The following CAST variants were observed in gnomAD, a reference collection of about 807,000 sequenced individuals.
The protein encoded by CAST is MIR583 host.
Under a neutral mutation model 119.6 loss-of-function variants are expected in CAST, and 76 were observed. The ratio of observed to expected loss-of-function variants is 0.64; its 90% CI spans 0.53 to 0.77. CAST has a LOEUF of 0.77. Among genes scored for constraint, CAST ranks in the 30% least tolerant of loss-of-function variants. The pLI, the probability that CAST is intolerant of heterozygous loss-of-function variation, is 0.00. For missense variants in CAST, 953 were observed against 946.5 expected (o/e 1.01, Z -0.09); for synonymous variants, 319 against 331.6 (o/e 0.96, Z 0.41).
chr5:96,394,817 C>T, the CAST span: 1 of 1,583,524 alleles, frequency 6.3e-7, no homozygotes. Context: ...ACTACATTGT[C>T]TACCCCAGTT....
At chr5:96,169,575 G>A in the CAST span, among the ~76,000 whole-genome samples, 1 of 152,202 alleles carries the variant, frequency 6.6e-6, no homozygotes, top group Non-Finnish European at 1.5e-5. Context: ...AGCCCATGCT[G>A]TAGCAGGCGA....
intron 1 of CAST, among the ~76,000 whole-genome samples, chr5:96,662,809 C>G (rs900586459): frequency 5.3e-5 from 8 of 152,158 alleles, no homozygotes; most frequent in African/African-American, 1.9e-4. Context: ...GAGGTTCACT[C>G]AGGACCCCCG....
At chr5:96,142,490 A>C in the CAST span, among the ~76,000 whole-genome samples, 1 of 152,250 alleles carries the variant, frequency 6.6e-6, no homozygotes, top group African/African-American at 2.4e-5. Flanking sequence ...CAGGCACAGC[A>C]TAAAAGGCAG....
chr5:96,326,852 T>C, the CAST span, among the ~76,000 whole-genome samples: 1 of 152,186 alleles, frequency 6.6e-6, no homozygotes, highest in Non-Finnish European at 1.5e-5. Context: ...TATGATGTTA[T>C]ACTTATTTTA....
At chr5:96,301,879 A>G in the CAST span, among the ~76,000 whole-genome samples, 4 of 152,190 alleles carry the variant, frequency 2.6e-5, no homozygotes, top group African/African-American at 7.2e-5. Flanking sequence ...TGGATCTACC[A>G]TTCGGGGATC....
chr5:96,175,617 A>G, the CAST span, among the ~76,000 whole-genome samples: 2 of 152,188 alleles, frequency 1.3e-5, no homozygotes, highest in Non-Finnish European at 2.9e-5. Context: ...AACGTTGGTC[A>G]GTGATGTCCT....
chr5:96,231,284 A>AGAAT, the CAST span, among the ~76,000 whole-genome samples: 133 of 152,330 alleles, frequency 8.7e-4, no homozygotes, highest in Admixed American at 1.4e-3. Context: ...TCCATAGAAT[A>AGAAT]GAATGGTCTT....
chr5:96,139,580 G>A, the CAST span, among the ~76,000 whole-genome samples: 79 of 148,922 alleles, frequency 5.3e-4, 1 homozygote, highest in Admixed American at 2.5e-3. Flanking sequence ...TTAACAAGTC[G>A]TTGCTGTTAT....
At chr5:95,972,872 A>C in the CAST span, among the ~76,000 whole-genome samples, 3 of 152,170 alleles carry the variant, frequency 2.0e-5, no homozygotes, top group African/African-American at 7.2e-5. Flanking sequence ...GCCCATTTCA[A>C]GTTGATTTTT....
chr5:96,028,646 T>C, the CAST span, among the ~76,000 whole-genome samples: 1 of 152,002 alleles, frequency 6.6e-6, no homozygotes. Context: ...AGATAAGAAA[T>C]TATTCCTAAA....
At chr5:96,144,852 T>G in the CAST span, among the ~76,000 whole-genome samples, 1 of 152,090 alleles carries the variant, frequency 6.6e-6, no homozygotes, top group Non-Finnish European at 1.5e-5. Flanking sequence ...AATTTTTTTT[T>G]GTATTTTTGG....
the CAST span, among the ~76,000 whole-genome samples, chr5:96,127,742 T>G: frequency 2.0e-5 from 3 of 152,254 alleles, no homozygotes; most frequent in Admixed American, 2.0e-4. Context: ...CATCAAATGC[T>G]GCCAGTGTTA....
chr5:96,326,830 T>C, the CAST span, among the ~76,000 whole-genome samples: 8 of 152,190 alleles, frequency 5.3e-5, no homozygotes, highest in South Asian at 1.7e-3. Context: ...CAAGTTCTAT[T>C]CTTCTATGAT....
the CAST span, among the ~76,000 whole-genome samples, chr5:96,344,132 G>C: frequency 1.1e-4 from 17 of 152,288 alleles, no homozygotes; most frequent in South Asian, 3.5e-3. Context: ...TACATTTTGG[G>C]TGTGTAGGAA....
At chr5:96,606,946 CTG>C (rs1169620826) in intron 1 of CAST, among the ~76,000 whole-genome samples, 1 of 152,234 alleles carries the variant, frequency 6.6e-6, no homozygotes, top group Non-Finnish European at 1.5e-5. Flanking sequence ...GGCCCGCAAT[CTG>C]TGTTTTTAAA....
intron 31 of CAST, chr5:96,771,905 TA>T: frequency 2.4e-6 from 1 of 408,510 alleles, no homozygotes; most frequent in Admixed American, 4.3e-5. Flanking sequence ...TTGAAATGTT[TA>T]AAAACCTTAA....
chr5:96,706,510 C>T (rs932306134), intron 3 of CAST, among the ~76,000 whole-genome samples: 5 of 152,136 alleles, frequency 3.3e-5, no homozygotes, highest in African/African-American at 1.2e-4. Flanking sequence ...TGGGAATATA[C>T]AGTAGAAATA....
chr5:96,410,633 AAGTG>A, the CAST span: 2 of 745,516 alleles, frequency 2.7e-6, no homozygotes, highest in South Asian at 1.5e-5. Flanking sequence ...CCAGCCTTTC[AAGTG>A]AGTAAGTGTG....
intron 2 of CAST, 78 bp from the exon 3 acceptor site, chr5:96,695,758 T>A (rs1753208131): frequency 9.4e-6 from 8 of 853,264 alleles, no homozygotes; most frequent in Admixed American, 6.6e-5. Context: ...AAAATATTTG[T>A]ATTGATATGT....
Sources: allele counts gnomAD v4.1 joint callset (sites outside exome capture counted in the v4.1 genomes callset), GRCh38; gene constraint gnomAD v4.1.1; transcripts MANE v1.5; gene names NCBI Gene and HGNC (gene_info 2026-07-23, HGNC 2026-07-21).